Variants in GDAP1 observed in about 807,000 individuals in gnomAD.
GDAP1 encodes ganglioside-induced differentiation-associated protein 1.
In GDAP1, 34 loss-of-function variants were observed where a neutral mutation model predicts 40.1. The observed-to-expected ratio is 0.85, with a 90% CI of 0.64 to 1.13. GDAP1 has a LOEUF of 1.13. Ranked by LOEUF, GDAP1 falls within the 50% of genes most tolerant of loss-of-function variation. The pLI, the probability that GDAP1 is intolerant of heterozygous loss-of-function variation, is 0.00. For synonymous variants in GDAP1, 170 were observed against 157.4 expected (o/e 1.08, Z -0.60); for missense variants, 374 against 433.7 (o/e 0.86, Z 1.22).
chr8:74,390,412 A>T (rs1810089581), intron 2 of GDAP1, among the ~76,000 whole-genome samples: 1 of 151,796 alleles, frequency 6.6e-6, no homozygotes, highest in Non-Finnish European at 1.5e-5. Flanking sequence ...CCTTTCTGTT[A>T]GTTTTTCTTC....
At chr8:74,373,704 C>G (rs964079680) in intron 2 of GDAP1, among the ~76,000 whole-genome samples, 11 of 152,164 alleles carry the variant, frequency 7.2e-5, no homozygotes, top group Admixed American at 5.9e-4. Flanking sequence ...CATCTGCAAA[C>G]AGGGACAATT....
At chr8:74,418,827 T>C (rs1279301119) in intron 2 of GDAP1, among the ~76,000 whole-genome samples, 1 of 150,624 alleles carries the variant, frequency 6.6e-6, no homozygotes, top group African/African-American at 2.5e-5. Context: ...AACTATCAAA[T>C]GCAACAATTA....
intron 2 of GDAP1, among the ~76,000 whole-genome samples, chr8:74,463,905 G>A (rs1181170242): frequency 6.7e-6 from 1 of 150,372 alleles, no homozygotes; most frequent in Non-Finnish European, 1.5e-5. Flanking sequence ...GATTTATTTA[G>A]TAGAGGCCAA....
At position 74,417,000 on chromosome 8, in the gene GDAP1, A is replaced by G. The variant is rs929297864; in HGVS notation, c.165+65679A>G. ...AAGGAAAGTCGGCAGCTCTACCCCA[A>G]TAGTCAGGTAGCCCTGGTGCTCGTG... On this transcript the variant is annotated intron_variant, in intron 2 of 2. Coordinates refer to the GDAP1 transcript ENST00000523640. 3.4e-5 allele frequency among the ~76,000 whole-genome samples: 5 copies of G among 147,602 alleles called. 1 individual carries two copies. Among genetic ancestry groups the G allele is most frequent in the African/African-American group, 1.3e-4 (5 of 37,644 alleles).
intron 2 of GDAP1, among the ~76,000 whole-genome samples, chr8:74,443,551 CA>C (rs1806187905): frequency 6.6e-6 from 1 of 152,150 alleles, no homozygotes; most frequent in Non-Finnish European, 1.5e-5. Flanking sequence ...CTACTTCCTG[CA>C]GTCCCTCAGA....
intron 2 of GDAP1, among the ~76,000 whole-genome samples, chr8:74,354,687 A>G (rs531016400): frequency 1.3e-5 from 2 of 152,230 alleles, no homozygotes; most frequent in Non-Finnish European, 2.9e-5. Flanking sequence ...TACCAATGTT[A>G]AAACAAATGG....
intron 2 of GDAP1, among the ~76,000 whole-genome samples, chr8:74,441,337 A>G (rs1806160042): frequency 6.6e-6 from 1 of 152,144 alleles, no homozygotes; most frequent in Non-Finnish European, 1.5e-5. Flanking sequence ...CATGAGTTTC[A>G]TTTAAAAAGG....
At chr8:74,471,133 G>T (rs1586845255) in intron 2 of GDAP1, among the ~76,000 whole-genome samples, 1 of 152,042 alleles carries the variant, frequency 6.6e-6, no homozygotes. Flanking sequence ...GTTCATTGTA[G>T]ATTCTGGATA....
chr8:74,359,063 A>G (rs1196390360), intron 2 of GDAP1, among the ~76,000 whole-genome samples: 2 of 152,202 alleles, frequency 1.3e-5, no homozygotes, highest in African/African-American at 4.8e-5. Flanking sequence ...TTTGGGTTGC[A>G]TCCTTCACTT....
At chr8:74,378,153 A>G (rs1330847477) in intron 2 of GDAP1, among the ~76,000 whole-genome samples, 1 of 152,194 alleles carries the variant, frequency 6.6e-6, no homozygotes, top group East Asian at 1.9e-4. Context: ...TCATGTGATT[A>G]TGTGAAAGAA....
chr8:74,384,827 C>T (rs10098296), intron 2 of GDAP1, among the ~76,000 whole-genome samples: 1 of 151,944 alleles, frequency 6.6e-6, no homozygotes, highest in Non-Finnish European at 1.5e-5. Context: ...AAAATCCACT[C>T]TATATTTTGC....
At chr8:74,386,336 T>A (rs868035344) in intron 2 of GDAP1, among the ~76,000 whole-genome samples, 6 of 152,336 alleles carry the variant, frequency 3.9e-5, no homozygotes, top group Middle Eastern at 3.4e-3. Flanking sequence ...TATGTTTAAG[T>A]CCTTAATCTA....
intron 2 of GDAP1, among the ~76,000 whole-genome samples, chr8:74,402,043 T>C (rs1376763151): frequency 6.7e-6 from 1 of 150,202 alleles, no homozygotes; most frequent in Admixed American, 6.6e-5. Flanking sequence ...CGTTCTCAGA[T>C]CTCCAGCTGC....
Position 74,362,956 on chromosome 8 carries a change from T to A in GDAP1, c.597T>A (p.His199Gln). The change falls in exon 5 of 6, where the codon CAT becomes CAA. Residue 199 changes from histidine to glutamine, a missense_variant. By Grantham distance (24) the His-to-Gln change is conservative (BLOSUM62 0). Transcript: ENST00000220822. ...QKRLKSKLLD[H>Q]DNVKYLKKIL... Reference sequence around the variant, plus strand: ...TTAATTAGTCAAAGCTGCTTGATCATGACAATGTCAAGTATTTGAAGAAAA... The same window carrying A: ...TTAATTAGTCAAAGCTGCTTGATCAAGACAATGTCAAGTATTTGAAGAAAA... 2 of 1,533,350 alleles carry A rather than the reference T, an allele frequency of 1.3e-6. No homozygotes were observed. Among genetic ancestry groups the A allele is most frequent in the Non-Finnish European group, 1.8e-6 (2 of 1,106,320 alleles). 95.0% of individuals were successfully genotyped at this position (1,533,350 alleles called of 1,614,324 possible).
chr8:74,485,175 G>C (rs1193150334), intron 2 of GDAP1, among the ~76,000 whole-genome samples: 1 of 152,022 alleles, frequency 6.6e-6, no homozygotes, highest in Non-Finnish European at 1.5e-5. Context: ...CTGTGTTTCA[G>C]TTATTAAAAA....
At chr8:74,399,621 A>C (rs1586822017) in intron 2 of GDAP1, among the ~76,000 whole-genome samples, 1 of 135,300 alleles carries the variant, frequency 7.4e-6, no homozygotes, top group Non-Finnish European at 1.5e-5. Context: ...TTGCTTTTCT[A>C]GTTCTTTTAA....
At chr8:74,480,414 A>G (rs1265510209) in intron 2 of GDAP1, among the ~76,000 whole-genome samples, 1 of 152,202 alleles carries the variant, frequency 6.6e-6, no homozygotes, top group East Asian at 1.9e-4. Flanking sequence ...CAGGATGACT[A>G]TTCAGAAGTT....
At chr8:74,433,852 G>A (rs926786170) in intron 2 of GDAP1, among the ~76,000 whole-genome samples, 1 of 152,126 alleles carries the variant, frequency 6.6e-6, no homozygotes, top group African/African-American at 2.4e-5. Context: ...AAAAACTTTG[G>A]ATACTGAAGG....
chr8:74,359,702 C>T (rs1809262448), intron 2 of GDAP1, among the ~76,000 whole-genome samples: 1 of 152,190 alleles, frequency 6.6e-6, no homozygotes, highest in African/African-American at 2.4e-5. Context: ...ATTGCAGGTT[C>T]CTTTCCCTGA....
Sources: gnomAD v4.1 joint callset for allele counts (sites outside exome capture counted in the v4.1 genomes callset) on GRCh38, gnomAD v4.1.1 for gene constraint, MANE v1.5 for transcripts, NCBI Gene and HGNC (gene_info 2026-07-23, HGNC 2026-07-21) for gene names.